CACNA1A: variants seen among roughly 807,000 people sequenced by gnomAD.
CACNA1A encodes the protein calcium voltage-gated channel subunit alpha1 A.
A neutral mutation model predicts 262.4 loss-of-function variants in CACNA1A; 57 were observed. That is an observed-to-expected ratio of 0.22 (90% CI 0.18 to 0.27). The LOEUF (loss-of-function observed/expected upper bound fraction) is 0.27, where lower values mean the gene tolerates loss of function less well. CACNA1A is among the 10% of genes least tolerant of loss of function. The pLI is 1.00. For missense variants in CACNA1A, 2,526 were observed against 3,562.8 expected (o/e 0.71, Z 7.41); for synonymous variants, 1,431 against 1,419.3 (o/e 1.01, Z -0.18).
intron 45 of CACNA1A, 36 bp downstream of exon 45, chr19:13,209,276 G>A (rs1490077033): frequency 7.0e-7 from 1 of 1,437,900 alleles, no homozygotes; most frequent in Admixed American, 2.9e-5. Flanking sequence ...CCTCTCCTCT[G>A]TTCTGCTTGT....
intron 38 of CACNA1A, among the ~76,000 whole-genome samples, chr19:13,222,776 CCT>C (rs2055283200): frequency 6.6e-6 from 1 of 151,392 alleles, no homozygotes; most frequent in Non-Finnish European, 1.5e-5. Context: ...CTCACTGCAA[CCT>C]CTGTCTCCCA....
rs1258931135 is a variant in CACNA1A, at chr19:13,207,002, CTGAGT to C, written c.*306_*310del. ...GTTCCCCAAAGTTCTCCAAAAATGG[CTGAGT>C]TAATTCAAATCCCTTGGCTGTGTGG... is the stretch of plus-strand genomic sequence containing the variant. On this transcript the variant is annotated 3_prime_UTR_variant, in exon 47 of 47. Coordinates refer to ENST00000360228, the MANE Select transcript of CACNA1A (RefSeq NM_001127222.2). This position sits in a 1 kb window ranked among gnomAD's most constrained non-coding sequence, Gnocchi z 5.7. The C allele has an allele frequency of 3.5e-5, 4 of 114,612 alleles. No individual in the cohort carries two copies. Among genetic ancestry groups the C allele is most frequent in the South Asian group, 3.0e-4 (1 of 3,342 alleles). 7.1% of individuals were successfully genotyped at this position (114,612 alleles called of 1,614,324 possible).
At chr19:13,505,099 A>T (rs914149116) in intron 1 of CACNA1A, among the ~76,000 whole-genome samples, 1 of 152,098 alleles carries the variant, frequency 6.6e-6, no homozygotes, top group African/African-American at 2.4e-5. Context: ...CCACCACCTC[A>T]TTTGCTGTTG....
chr19:13,291,977 T>G (rs1244867985), intron 19 of CACNA1A, among the ~76,000 whole-genome samples: 3 of 152,120 alleles, frequency 2.0e-5, no homozygotes, highest in Non-Finnish European at 4.4e-5. Context: ...CAGGTGGAAT[T>G]AGGATGCGAA....
chr19:13,465,201 G>A (rs1354170325), intron 1 of CACNA1A, among the ~76,000 whole-genome samples: 1 of 152,126 alleles, frequency 6.6e-6, no homozygotes, highest in Non-Finnish European at 1.5e-5. Flanking sequence ...AAAGTACTGG[G>A]ATTACAGGCA....
intron 1 of CACNA1A, among the ~76,000 whole-genome samples, chr19:13,486,712 A>G (rs537758584): frequency 1.3e-5 from 2 of 151,836 alleles, no homozygotes; most frequent in Non-Finnish European, 2.9e-5. Context: ...CTCTACCTCC[A>G]TATCTCTCCC....
chr19:13,230,222 C>T lies in CACNA1A; in HGVS notation c.5401-13G>A, dbSNP rs2144622540. The T allele has an allele frequency of 1.2e-6, 2 of 1,613,308 alleles. No homozygotes were observed. Among genetic ancestry groups the T allele is most frequent in the Non-Finnish European group, 1.7e-6 (2 of 1,179,630 alleles). On this transcript the variant is annotated splice_polypyrimidine_tract_variant and intron_variant, in intron 35 of 46. Transcript: ENST00000360228. Reference sequence around the variant, plus strand: ...AGAGATTCAGCATCTGTGGGGACCCCGGGGACCAAGAGAGAATGGGGGCAG... The same window carrying T: ...AGAGATTCAGCATCTGTGGGGACCCTGGGGACCAAGAGAGAATGGGGGCAG...
chr19:13,316,187 G>C (rs1600310508), intron 11 of CACNA1A: 1 of 152,096 alleles, frequency 6.6e-6, no homozygotes, highest in Non-Finnish European at 1.5e-5. Context: ...TGAACTCCTG[G>C]CCTCAAGTGA....
At chr19:13,485,793 G>A (rs1361273564) in intron 1 of CACNA1A, among the ~76,000 whole-genome samples, 2 of 152,168 alleles carry the variant, frequency 1.3e-5, no homozygotes, top group African/African-American at 4.8e-5. Context: ...AAGCACTTTG[G>A]AAAATTGTTT....
chr19:13,501,396 G>C (rs1346197035), intron 1 of CACNA1A, among the ~76,000 whole-genome samples: 1 of 151,940 alleles, frequency 6.6e-6, no homozygotes, highest in South Asian at 2.1e-4. Context: ...GGCTGGTCTC[G>C]AACTCCTGAC....
intron 28 of CACNA1A, 158 bp downstream of exon 28, chr19:13,257,192 C>T: frequency 3.3e-6 from 2 of 607,832 alleles, no homozygotes; most frequent in South Asian, 4.1e-5. Flanking sequence ...CCTCTGGAAA[C>T]TCCATGAAGG....
At chr19:13,233,479 A>G (rs899639558) in intron 34 of CACNA1A, among the ~76,000 whole-genome samples, 1 of 152,140 alleles carries the variant, frequency 6.6e-6, no homozygotes, top group African/African-American at 2.4e-5. Context: ...TTTTTTTAAA[A>G]ATTAAAAAAA....
intron 3 of CACNA1A, among the ~76,000 whole-genome samples, chr19:13,378,133 G>T (rs574252191): frequency 1.3e-5 from 2 of 152,374 alleles, no homozygotes; most frequent in South Asian, 4.1e-4. Context: ...CACTGCAGAA[G>T]TGATGGAACT....
chr19:13,317,700 C>T (rs1045859177), intron 10 of CACNA1A, among the ~76,000 whole-genome samples: 6 of 152,156 alleles, frequency 3.9e-5, no homozygotes, highest in African/African-American at 9.7e-5. Context: ...GCATGGAGCA[C>T]GCTTGGAAGG....
intron 15 of CACNA1A, among the ~76,000 whole-genome samples, chr19:13,307,088 T>G (rs1376851479): frequency 6.6e-6 from 1 of 151,974 alleles, no homozygotes; most frequent in Non-Finnish European, 1.5e-5. Flanking sequence ...TCAGCTGCCC[T>G]AGTAGCTAGG....
In CACNA1A at chr19:13,345,101, C is replaced by G. The variant is rs1409815715; in HGVS notation, c.979-9192G>C. 2.6e-5 allele frequency among the ~76,000 whole-genome samples: 4 copies of G among 152,118 alleles called. No homozygotes were observed. The East Asian group carries it at 7.7e-4, about 29-fold the overall frequency. ...AATAAACACAGGAAATGTGTTTATC[C>G]CAAATCCAAATGATTAAGCTATTTT... On this transcript the variant is annotated intron_variant, in intron 6 of 46. Transcript: ENST00000360228.
At chr19:13,354,051 T>A (rs895649135) in intron 6 of CACNA1A, among the ~76,000 whole-genome samples, 2 of 152,206 alleles carry the variant, frequency 1.3e-5, no homozygotes, top group Non-Finnish European at 2.9e-5. Context: ...GTCTTCTTCG[T>A]TGCAGTGTCT....
At chr19:13,221,914 T>C (rs1217348292) in intron 38 of CACNA1A, among the ~76,000 whole-genome samples, 1 of 152,140 alleles carries the variant, frequency 6.6e-6, no homozygotes, top group East Asian at 1.9e-4. Flanking sequence ...TTTATTTTTA[T>C]TTTTATTTTT....
intron 19 of CACNA1A, among the ~76,000 whole-genome samples, chr19:13,292,917 T>C (rs1399816585): frequency 6.6e-6 from 1 of 152,126 alleles, no homozygotes; most frequent in Non-Finnish European, 1.5e-5. Context: ...ATCAGCCAAA[T>C]GAATAATGTC....
Sources: allele counts gnomAD v4.1 joint callset (sites outside exome capture counted in the v4.1 genomes callset), GRCh38; gene constraint gnomAD v4.1.1; non-coding constraint Gnocchi (gnomAD v3.1); transcripts MANE v1.5; gene names NCBI Gene and HGNC (gene_info 2026-07-23, HGNC 2026-07-21).